POGLUT1: variants seen among roughly 807,000 people sequenced by gnomAD.
POGLUT1 encodes protein O-glucosyltransferase 1, also known as 9630046K23Rik.
Under a neutral mutation model 61.3 loss-of-function variants are expected in POGLUT1, and 32 were observed. That is an observed-to-expected ratio of 0.52 (90% CI 0.39 to 0.70). The LOEUF (loss-of-function observed/expected upper bound fraction) is 0.70, where lower values mean the gene tolerates loss of function less well. POGLUT1 is among the 30% of genes least tolerant of loss of function. POGLUT1 has a pLI of 0.00. For missense variants in POGLUT1, 411 were observed against 469.8 expected, an observed-to-expected ratio of 0.87 and a Z score of 1.16; for synonymous variants, 158 against 158.2, an observed-to-expected ratio of 1.00 and a Z score of 0.01.
chr3:119,491,331 C>A (rs2081742253), intron 9 of POGLUT1, among the ~76,000 whole-genome samples, 187 bp from the exon 10 acceptor site: 1 of 149,986 alleles, frequency 6.7e-6, no homozygotes, highest in Non-Finnish European at 1.5e-5. Flanking sequence ...TATCTTTAAT[C>A]AGTGTGTGGG....
intron 9 of POGLUT1, 66 bp from the exon 10 acceptor site, chr3:119,491,452 G>A (rs1166395473): frequency 5.6e-6 from 4 of 709,396 alleles, no homozygotes; most frequent in South Asian, 1.8e-5. Context: ...AATCTATATC[G>A]TCTTTCTGAC....
At chr3:119,470,515 G>A (rs762920085) in intron 2 of POGLUT1, among the ~76,000 whole-genome samples, 4 of 152,222 alleles carry the variant, frequency 2.6e-5, no homozygotes, top group Non-Finnish European at 4.4e-5. Flanking sequence ...AGCAGAGGTT[G>A]CATTGAATCC....
At chr3:119,492,083 A>C (rs887795697) in intron 10 of POGLUT1, among the ~76,000 whole-genome samples, 199 bp from the exon 11 acceptor site, 1 of 152,026 alleles carries the variant, frequency 6.6e-6, no homozygotes, top group Non-Finnish European at 1.5e-5. Context: ...TAAATAAATA[A>C]AGGAAAAAGA....
At chr3:119,477,168 T>C in intron 3 of POGLUT1, 145 bp from the exon 4 acceptor site, 1 of 761,900 alleles carries the variant, frequency 1.3e-6, no homozygotes, top group Non-Finnish European at 2.2e-6. Context: ...TTAGAAGCAT[T>C]GTTTTCAGGA....
intron 3 of POGLUT1, 167 bp downstream of exon 3, chr3:119,471,619 C>G (rs950277742): frequency 1.6e-6 from 1 of 640,426 alleles, no homozygotes; most frequent in African/African-American, 1.8e-5. Context: ...ATTTTTCTTG[C>G]GAGCTCCTCT....
chr3:119,474,476 C>T (rs1419162633), intron 3 of POGLUT1, among the ~76,000 whole-genome samples: 1 of 152,146 alleles, frequency 6.6e-6, no homozygotes, highest in Admixed American at 6.5e-5. Flanking sequence ...CCGCTGACTA[C>T]TTTCTCGAAT....
Position 119,471,810 on chromosome 3 carries a change from G to T in POGLUT1, c.320+358G>T, listed in dbSNP as rs765932502. 2.2e-5 allele frequency: 7 copies of T among 315,756 alleles called. No homozygotes were observed. The East Asian group carries it at 2.9e-4, about 13-fold the overall frequency. 19.6% of individuals were successfully genotyped at this position (315,756 alleles called of 1,614,324 possible). ...AGGAATTGGTTGAATGTCTGTCATC[G>T]GCCAGTGTAGTTCTAGATACTGAAT... On this transcript the variant is annotated intron_variant, in intron 3 of 10. Coordinates refer to ENST00000295588, the MANE Select transcript of POGLUT1 (RefSeq NM_152305.3).
intron 5 of POGLUT1, among the ~76,000 whole-genome samples, chr3:119,484,600 C>T (rs767066499): frequency 2.6e-4 from 40 of 152,324 alleles, no homozygotes; most frequent in Non-Finnish European, 5.0e-4. Flanking sequence ...CTATGGAAAA[C>T]ATAAAATCAG....
Position 119,481,978 on chromosome 3 carries a change from C to T in POGLUT1, c.578+1806C>T, listed in dbSNP as rs921600949. Among the ~76,000 whole-genome samples the T allele has an allele frequency of 1.1e-4, 17 of 152,070 alleles. 1 individual carries two copies. Among genetic ancestry groups the T allele is most frequent in the Admixed American group, 5.9e-4 (9 of 15,248 alleles). On this transcript the variant is annotated intron_variant, in intron 5 of 10. Coordinates refer to ENST00000295588, the MANE Select transcript of POGLUT1 (RefSeq NM_152305.3). ...AGACAGGTCTTGCTATGTTTCCCAG[C>T]CTGATCTCAAACTCCTGGGCTCAAG...
intron 5 of POGLUT1, among the ~76,000 whole-genome samples, chr3:119,482,015 C>T (rs1178102503): frequency 1.3e-5 from 2 of 152,050 alleles, no homozygotes; most frequent in East Asian, 1.9e-4. Flanking sequence ...GATCCTCCCA[C>T]CTTGGCCTCC....
At chr3:119,471,677 G>T in intron 3 of POGLUT1, 1 of 504,880 alleles carries the variant, frequency 2.0e-6, no homozygotes. Flanking sequence ...GGTTGTACTG[G>T]TGGTGGCTCT....
rs767114668 is a variant in POGLUT1, at chr3:119,468,992, A to C, written c.-30A>C. 1.3e-6 allele frequency: 2 copies of C among 1,587,622 alleles called. No individual in the cohort carries two copies. Among genetic ancestry groups the C allele is most frequent in the South Asian group, 2.2e-5 (2 of 89,046 alleles). Reference sequence around the variant, plus strand: ...GGGGCCGCGCTTCCGCCAGCGCCGCAGCGGGGAATCTGCAGTAGGTCTGCC... The same window carrying C: ...GGGGCCGCGCTTCCGCCAGCGCCGCCGCGGGGAATCTGCAGTAGGTCTGCC... On this transcript the variant is annotated 5_prime_UTR_variant, in exon 1 of 11. Coordinates refer to ENST00000295588, the MANE Select transcript of POGLUT1 (RefSeq NM_152305.3).
intron 2 of POGLUT1, among the ~76,000 whole-genome samples, chr3:119,470,490 C>T (rs1236369266): frequency 3.3e-5 from 5 of 152,244 alleles, no homozygotes; most frequent in South Asian, 2.1e-4. Context: ...GCAGGAGAAT[C>T]GCTTGAACCC....
chr3:119,492,093 A>G (rs555740472), intron 10 of POGLUT1, among the ~76,000 whole-genome samples, 189 bp from the exon 11 acceptor site: 2 of 139,840 alleles, frequency 1.4e-5, no homozygotes, highest in South Asian at 4.8e-4. Context: ...AAGGAAAAAG[A>G]TTGTTAAGTT....
chr3:119,476,433 TA>T (rs2081538480), intron 3 of POGLUT1, among the ~76,000 whole-genome samples: 1 of 150,402 alleles, frequency 6.6e-6, no homozygotes, highest in African/African-American at 2.4e-5. Flanking sequence ...TCTCCCTATA[TA>T]AAAAACACTT....
chr3:119,479,219 C>T (rs979851385), intron 4 of POGLUT1, among the ~76,000 whole-genome samples: 5 of 152,080 alleles, frequency 3.3e-5, no homozygotes, highest in Non-Finnish European at 5.9e-5. Flanking sequence ...TGTGAGCCAC[C>T]GTGCCCAACC....
Position 119,493,857 on chromosome 3 carries a change from A to T in POGLUT1, c.*1419A>T, listed in dbSNP as rs1427724510. The T allele has an allele frequency of 2.8e-5, 3 of 106,140 alleles. No individual in the cohort carries two copies. Among genetic ancestry groups the T allele is most frequent in the African/African-American group, 7.7e-5 (2 of 25,832 alleles). The allele number at this position is 106,140 out of a possible 1,614,324, so 6.6% of individuals were successfully genotyped here. Reference sequence around the variant, plus strand: ...AGCAATGCACAGGGACCGTGTTCTTAGGTTCTTAGTCTGTGAATCTAGCAA... The same window carrying T: ...AGCAATGCACAGGGACCGTGTTCTTTGGTTCTTAGTCTGTGAATCTAGCAA... On this transcript the variant is annotated 3_prime_UTR_variant, in exon 11 of 11. Coordinates refer to ENST00000295588, the MANE Select transcript of POGLUT1 (RefSeq NM_152305.3).
intron 3 of POGLUT1, among the ~76,000 whole-genome samples, chr3:119,475,320 T>C (rs2081522657): frequency 6.6e-6 from 1 of 152,204 alleles, no homozygotes; most frequent in African/African-American, 2.4e-5. Context: ...GGCTGCATAA[T>C]AACTTATTAT....
At chr3:119,490,301 C>T (rs1341159753) in intron 8 of POGLUT1, 1 of 487,540 alleles carries the variant, frequency 2.1e-6, no homozygotes, top group East Asian at 3.7e-5. Flanking sequence ...CTATCTAGTG[C>T]TGTCTGGAGA....
Sources: allele counts gnomAD v4.1 joint callset (sites outside exome capture counted in the v4.1 genomes callset), GRCh38; gene constraint gnomAD v4.1.1; transcripts MANE v1.5; gene names NCBI Gene and HGNC (gene_info 2026-07-23, HGNC 2026-07-21).